The following PEX5 variants were observed in gnomAD, a reference collection of about 807,000 sequenced individuals.
PEX5 encodes peroxisomal biogenesis factor 5.
PEX5 carries 52 observed loss-of-function variants against 82.9 expected under a neutral mutation model. The ratio of observed to expected loss-of-function variants is 0.63; its 90% confidence interval spans 0.50 to 0.79. The LOEUF is 0.79. PEX5 is among the 30% of genes least tolerant of loss of function. PEX5 has a pLI of 0.00. For missense variants in PEX5, 719 were observed against 815.2 expected, an observed-to-expected ratio of 0.88 and a Z score of 1.44; for synonymous variants, 300 against 318.8, an observed-to-expected ratio of 0.94 and a Z score of 0.63.
chr12:7,207,541 T>G (rs1003972078), intron 10 of PEX5, 118 bp from the exon 11 acceptor site: 6 of 967,238 alleles, frequency 6.2e-6, no homozygotes, highest in Non-Finnish European at 8.4e-6. Flanking sequence ...TGCCAGCAAT[T>G]AATTCCGGAA....
chr12:7,206,906 T>C (rs1565714697), intron 10 of PEX5, among the ~76,000 whole-genome samples: 1 of 152,230 alleles, frequency 6.6e-6, no homozygotes, highest in East Asian at 1.9e-4. Flanking sequence ...AGCTTACTAG[T>C]GACTTCCCCT....
chr12:7,196,038 T>TA (rs1565681081), intron 5 of PEX5, among the ~76,000 whole-genome samples: 1 of 144,802 alleles, frequency 6.9e-6, no homozygotes, highest in Non-Finnish European at 1.5e-5. Context: ...ATATATTATA[T>TA]ATATTATATA....
At chr12:7,208,892 CTGAT>C (rs1945157977) in intron 13 of PEX5, 109 bp from the exon 14 acceptor site, 1 of 1,050,110 alleles carries the variant, frequency 9.5e-7, no homozygotes, top group Non-Finnish European at 1.5e-6. Flanking sequence ...GAAGAGATGA[CTGAT>C]AGATTGATGA....
At chr12:7,190,761 T>C in intron 2 of PEX5, 127 bp from the exon 3 acceptor site, 2 of 1,303,654 alleles carry the variant, frequency 1.5e-6, no homozygotes, top group Middle Eastern at 1.8e-4. Context: ...TAGAAAACCC[T>C]GTGCACCTTT....
intron 6 of PEX5, among the ~76,000 whole-genome samples, chr12:7,200,146 G>A (rs1403521546): frequency 2.0e-5 from 3 of 148,026 alleles, no homozygotes; most frequent in East Asian, 2.1e-4. Context: ...GGCGGCTGCC[G>A]GGCAGAGGGT....
At chr12:7,202,220 G>A in intron 7 of PEX5, 21 bp from the exon 8 acceptor site, 4 of 1,613,976 alleles carry the variant, frequency 2.5e-6, no homozygotes, top group Non-Finnish European at 3.4e-6. Flanking sequence ...CAAGTGGCCT[G>A]TGTGTGTCTC....
In PEX5 at chr12:7,209,172, T is replaced by G; in HGVS notation, c.1560+2T>G. 6.2e-7 allele frequency: 1 copy of G among 1,613,552 alleles called. No individual in the cohort carries two copies. On this transcript the variant is annotated splice_donor_variant, in intron 14 of 15. Transcript: ENST00000675855. LOFTEE classifies it high-confidence loss of function. ...GCTGCCCTCAGCGTTCGTCCCAATGTGAGCCCAGGGGAGGAATGGAAATGG... is the reference window on the plus strand; with the variant it reads ...GCTGCCCTCAGCGTTCGTCCCAATGGGAGCCCAGGGGAGGAATGGAAATGG...
At position 7,196,477 on chromosome 12, in the gene PEX5, ACAT is replaced by A. The variant is rs755614411; in HGVS notation, c.449-2530_449-2528del. On this transcript the variant is annotated intron_variant, in intron 5 of 15. Transcript: ENST00000675855. ...ATGTGTCATATATAATGTAATAATTACATCATATATAATGTAATAATTATATAT... is the reference window on the plus strand; with the variant it reads ...ATGTGTCATATATAATGTAATAATTACATATATAATGTAATAATTATATAT... Among the ~76,000 whole-genome samples the A allele has an allele frequency of 3.4e-5, 4 of 118,340 alleles. No individual in the cohort carries two copies. The East Asian group carries it at 9.3e-4, about 27-fold the overall frequency. 77.6% of individuals were successfully genotyped at this position (118,340 alleles called of 152,430 possible).
downstream of PEX5, among the ~76,000 whole-genome samples, chr12:7,213,342 A>G (rs1416380437): frequency 2.6e-5 from 4 of 151,950 alleles, no homozygotes; most frequent in South Asian, 2.1e-4. Context: ...CTACAAGGCT[A>G]CAGTAACCAA....
intron 8 of PEX5, 57 bp from the exon 9 acceptor site, chr12:7,202,555 G>A: frequency 6.7e-7 from 1 of 1,493,030 alleles, no homozygotes; most frequent in Non-Finnish European, 9.4e-7. Flanking sequence ...TATTTAGTGT[G>A]CGTCTGATGG....
chr12:7,209,094 G>T lies in PEX5; in HGVS notation c.1484G>T (p.Gly495Val). 1 of 1,614,114 alleles carries T rather than the reference G, an allele frequency of 6.2e-7. No homozygotes were observed. The highest frequency in any genetic ancestry group is 8.5e-7 in the Non-Finnish European group (1 of 1,180,014). ...SIDPDVQCGLGVLFNLSGEYD... is the reference protein window; with the variant it reads ...SIDPDVQCGLVVLFNLSGEYD... ...GACCCTGATGTGCAGTGTGGCTTGG[G>T]AGTCCTTTTCAACCTGAGTGGGGAG... The change falls in exon 14 of 16, where the codon GGA (glycine) becomes GTA (valine). Residue 495 changes from glycine to valine, a missense_variant. Transcript: ENST00000675855.
downstream of PEX5, among the ~76,000 whole-genome samples, chr12:7,215,728 T>C (rs1316362032): frequency 1.3e-5 from 2 of 152,068 alleles, no homozygotes; most frequent in Admixed American, 1.3e-4. Flanking sequence ...CGGCAGACAC[T>C]GCAGACTACC....
intron 8 of PEX5, 38 bp downstream of exon 8, chr12:7,202,389 A>G (rs370066272): frequency 2.4e-5 from 39 of 1,611,532 alleles, no homozygotes; most frequent in Non-Finnish European, 3.2e-5. Context: ...CTTCAGAGCC[A>G]GCTGATGCCC....
chr12:7,218,427 C>T (rs1945840856), exon 18 of PEX5: 1 of 152,218 alleles, frequency 6.6e-6, no homozygotes, highest in Admixed American at 6.5e-5. Context: ...GCAGACACTG[C>T]TTCTGAATGA....
intron 5 of PEX5, among the ~76,000 whole-genome samples, chr12:7,196,071 G>T (rs1485847175): frequency 7.0e-6 from 1 of 143,054 alleles, no homozygotes; most frequent in African/African-American, 2.5e-5. Context: ...TATATATAAT[G>T]TATATATAAT....
At chr12:7,216,955 C>T (rs1372329527) in intron 17 of PEX5, among the ~76,000 whole-genome samples, 1 of 152,176 alleles carries the variant, frequency 6.6e-6, no homozygotes, top group Admixed American at 6.5e-5. Context: ...TTTATTCACA[C>T]TAATTCATAC....
chr12:7,201,112 C>T (rs917463122), intron 6 of PEX5, among the ~76,000 whole-genome samples: 5 of 150,878 alleles, frequency 3.3e-5, no homozygotes, highest in Non-Finnish European at 5.9e-5. Context: ...TTTAAAAAAC[C>T]AAAAGCGCAT....
rs955331632 is a variant in PEX5 at position 7,211,285 on chromosome 12, C to T, written c.*1062C>T. 6.6e-6 allele frequency: 1 copy of T among 152,538 alleles called. No individual in the cohort carries two copies. The highest frequency in any genetic ancestry group is 1.5e-5 in the Non-Finnish European group (1 of 68,042). The allele number at this position is 152,538 out of a possible 1,614,324, so 9.4% of individuals were successfully genotyped here. A position where few individuals can be genotyped will look rare whatever the true frequency, so the allele number is the denominator to read the frequency against. ...GTTGTCCCCTGCATGGGGAGATACA[C>T]TAACCCCCAGAAATGACTGCTAAGC... On this transcript the variant is annotated 3_prime_UTR_variant, in exon 16 of 16. Transcript: ENST00000675855.
At chr12:7,195,345 A>C (rs1413146173) in intron 5 of PEX5, among the ~76,000 whole-genome samples, 1 of 152,002 alleles carries the variant, frequency 6.6e-6, no homozygotes, top group Non-Finnish European at 1.5e-5. Context: ...ATCCACATGG[A>C]TCTGATTTTC....
Sources: gnomAD v4.1 joint callset for allele counts (sites outside exome capture counted in the v4.1 genomes callset) on GRCh38, gnomAD v4.1.1 for gene constraint, MANE v1.5 for transcripts, NCBI Gene and HGNC (gene_info 2026-07-23, HGNC 2026-07-21) for gene names.